Variants in HDAC9 observed in about 807,000 individuals in gnomAD.
The protein encoded by HDAC9 is MEF-2 interacting transcription repressor (MITR) protein.
A neutral mutation model predicts 139.4 loss-of-function variants in HDAC9; 41 were observed. The observed-to-expected ratio is 0.29, with a 90% confidence interval of 0.23 to 0.38. The LOEUF (loss-of-function observed/expected upper bound fraction) is 0.38. Ranked by LOEUF, HDAC9 falls within the 10% of genes least tolerant of loss-of-function variation. HDAC9 has a pLI of 1.00. For missense variants in HDAC9, 1,147 were observed against 1,297.0 expected (o/e 0.88, Z 1.78); for synonymous variants, 517 against 476.2 (o/e 1.09, Z -1.12).
Position 18,647,690 on chromosome 7 carries a change from G to A in HDAC9, c.1036-95G>A, listed in dbSNP as rs963064236. ...GGGTAAGATGGGGCTTTTGTTTTGG[G>A]AAGCTACAGCATAGGAAACTTGTCT... is the stretch of plus-strand genomic sequence containing the variant. On this transcript the variant is annotated intron_variant, in intron 9 of 25. Transcript: ENST00000686413. 1.3e-5 allele frequency: 14 copies of A among 1,041,364 alleles called. No homozygotes were observed. The African/African-American group carries it at 1.9e-4, about 14-fold the overall frequency. The allele number at this position is 1,041,364 out of a possible 1,614,324, so 64.5% of individuals were successfully genotyped here.
chr7:18,580,954 A>G (rs900160130), intron 2 of HDAC9, among the ~76,000 whole-genome samples: 2 of 152,174 alleles, frequency 1.3e-5, no homozygotes, highest in African/African-American at 4.8e-5. Context: ...GAAAAATCCA[A>G]CATTCCTTTT....
intron 22 of HDAC9, among the ~76,000 whole-genome samples, chr7:18,900,448 A>G (rs1801597434): frequency 1.3e-5 from 2 of 152,082 alleles, no homozygotes; most frequent in South Asian, 4.1e-4. Context: ...GAGACGCCTT[A>G]CCTTTGCCCT....
intron 24 of HDAC9, among the ~76,000 whole-genome samples, chr7:18,968,492 G>A (rs1055080667): frequency 2.6e-5 from 4 of 152,092 alleles, no homozygotes; most frequent in East Asian, 1.9e-4. Context: ...ATACATATAT[G>A]GAACACTGTC....
At chr7:18,274,739 T>C (rs1584957496) in intron 2 of HDAC9, among the ~76,000 whole-genome samples, 1 of 152,188 alleles carries the variant, frequency 6.6e-6, no homozygotes, top group Non-Finnish European at 1.5e-5. Context: ...CTCAAAAATA[T>C]GTTTAGGAAA....
intron 1 of HDAC9, among the ~76,000 whole-genome samples, chr7:18,383,260 A>G (rs58704207): frequency 0.22 from 32,785 of 152,158 alleles, 3,781 homozygotes; most frequent in Non-Finnish European, 0.24. Context: ...TCGTGCAGGG[A>G]TGGCACATTT....
At chr7:18,480,329 G>A (rs1486091342) in intron 1 of HDAC9, among the ~76,000 whole-genome samples, 1 of 152,160 alleles carries the variant, frequency 6.6e-6, no homozygotes, top group African/African-American at 2.4e-5. Context: ...CCGAATCTAT[G>A]TTTTTTCTCC....
intron 22 of HDAC9, among the ~76,000 whole-genome samples, chr7:18,907,411 A>G (rs1053151191): frequency 5.3e-5 from 8 of 152,246 alleles, no homozygotes; most frequent in Non-Finnish European, 5.9e-5. Flanking sequence ...TTTGTTTACA[A>G]TGACTTTTTA....
At position 18,591,465 on chromosome 7, in the gene HDAC9, C is replaced by CTGTGTG. The variant is rs1477952524; in HGVS notation, c.416-47_416-42dup. The CTGTGTG allele has an allele frequency of 3.5e-4, 520 of 1,474,228 alleles. 1 individual carries two copies. In the African/African-American group the frequency reaches 8.4e-3, roughly 24 times the overall value. 91.3% of individuals were successfully genotyped at this position (1,474,228 alleles called of 1,614,324 possible). A position where few individuals can be genotyped will look rare whatever the true frequency, so the allele number is the denominator to read the frequency against. ...CAAAACTCACCATCAACATCTGTTT[C>CTGTGTG]TGTGTGTGTATGTGTGTGTGTGTGT... On this transcript the variant is annotated intron_variant, in intron 4 of 25. Transcript: ENST00000686413.
chr7:18,822,868 T>C (rs1795093388), intron 17 of HDAC9, among the ~76,000 whole-genome samples: 1 of 152,232 alleles, frequency 6.6e-6, no homozygotes, highest in African/African-American at 2.4e-5. Flanking sequence ...ACACAAGTTG[T>C]TAGGATTAAA....
intron 17 of HDAC9, among the ~76,000 whole-genome samples, chr7:18,818,406 A>G (rs1794725124): frequency 6.6e-6 from 1 of 152,212 alleles, no homozygotes; most frequent in African/African-American, 2.4e-5. Context: ...ATAGTTTCCT[A>G]AAATAGTTAT....
intron 1 of HDAC9, among the ~76,000 whole-genome samples, chr7:18,098,265 TC>T (rs1376733552): frequency 5.3e-5 from 8 of 152,224 alleles, no homozygotes; most frequent in African/African-American, 1.9e-4. Context: ...GAGCAAGACT[TC>T]TAAGTTATTG....
At position 18,890,058 on chromosome 7, in the gene HDAC9, T is replaced by A. The variant is rs1466290039; in HGVS notation, c.2803+15462T>A. ...ACTTACTTTCCCTTTTAGTGGGCCT[T>A]AATTTCCTCATATGCAAATAGGACT... On this transcript the variant is annotated intron_variant, in intron 22 of 25. Coordinates refer to ENST00000686413, the MANE Select transcript of HDAC9 (RefSeq NM_178425.4). 3.9e-5 allele frequency among the ~76,000 whole-genome samples: 6 copies of A among 152,218 alleles called. 1 individual carries two copies. Among genetic ancestry groups the A allele is most frequent in the Admixed American group, 3.9e-4 (6 of 15,286 alleles).
intron 6 of HDAC9, among the ~76,000 whole-genome samples, chr7:18,613,394 C>T (rs1837704901): frequency 6.6e-6 from 1 of 151,978 alleles, no homozygotes; most frequent in South Asian, 2.1e-4. Flanking sequence ...AAGTTGTGGT[C>T]ACTCTGAGCA....
At chr7:18,437,486 A>G (rs1350173009) in intron 1 of HDAC9, among the ~76,000 whole-genome samples, 1 of 151,746 alleles carries the variant, frequency 6.6e-6, no homozygotes, top group Non-Finnish European at 1.5e-5. Context: ...GTCATAAGGG[A>G]AAAAGATTGC....
Position 18,824,326 on chromosome 7 carries a change from A to C in HDAC9, c.2323-4835A>C, listed in dbSNP as rs192321808. 1.2e-3 allele frequency among the ~76,000 whole-genome samples: 176 copies of C among 152,328 alleles called. 1 individual carries two copies. The highest frequency in any genetic ancestry group is 7.5e-4 in the Non-Finnish European group (51 of 68,026). The stretch of plus-strand genomic sequence containing the variant: ...ACCTATGGCAACCTGAGCAGAATAC[A>C]CAAAGGAAGTATGCTGGTGGGAGAA... On this transcript the variant is annotated intron_variant, in intron 17 of 25. Coordinates refer to ENST00000686413, the MANE Select transcript of HDAC9 (RefSeq NM_178425.4).
At chr7:18,490,294 A>G (rs1426562058) in intron 1 of HDAC9, among the ~76,000 whole-genome samples, 1 of 152,014 alleles carries the variant, frequency 6.6e-6, no homozygotes, top group Non-Finnish European at 1.5e-5. Flanking sequence ...AATAAATTGC[A>G]CTTCTAGCAA....
intron 2 of HDAC9, among the ~76,000 whole-genome samples, chr7:18,168,588 G>A (rs563976256): frequency 6.8e-4 from 104 of 152,020 alleles, no homozygotes; most frequent in African/African-American, 2.2e-3. Context: ...GTGTGTGTAC[G>A]TGTGTGGTGC....
chr7:18,976,263 G>T (rs543904288), intron 25 of HDAC9, among the ~76,000 whole-genome samples: 1 of 152,338 alleles, frequency 6.6e-6, no homozygotes, highest in South Asian at 2.1e-4. Flanking sequence ...AGAGCTGCTT[G>T]TGGGCTTAAC....
chr7:18,422,628 A>C (rs998005108), intron 1 of HDAC9, among the ~76,000 whole-genome samples: 2 of 151,980 alleles, frequency 1.3e-5, no homozygotes, highest in Non-Finnish European at 2.9e-5. Context: ...AAGAAAGCAG[A>C]AGTCTGGCAA....
Sources: gnomAD v4.1 joint callset for allele counts (sites outside exome capture counted in the v4.1 genomes callset) on GRCh38, gnomAD v4.1.1 for gene constraint, MANE v1.5 for transcripts, NCBI Gene and HGNC (gene_info 2026-07-23, HGNC 2026-07-21) for gene names.